The following DIAPH2 variants were observed in gnomAD, a reference collection of about 807,000 sequenced individuals.
DIAPH2 encodes the protein protein diaphanous homolog 2.
Under a neutral mutation model 92.7 loss-of-function variants are expected in DIAPH2, and 35 were observed. The ratio of observed to expected loss-of-function variants is 0.38; its 90% CI spans 0.29 to 0.50. The LOEUF (loss-of-function observed/expected upper bound fraction) is 0.50, where lower values mean the gene tolerates loss of function less well. Ranked by LOEUF, DIAPH2 falls within the 20% of genes least tolerant of loss-of-function variation. The probability of loss-of-function intolerance (pLI) is 0.94; values close to 1 mark genes in which losing one functional copy is unlikely to be tolerated. For synonymous variants in DIAPH2, 301 were observed against 280.4 expected (o/e 1.07, Z -0.73); for missense variants, 701 against 819.5 (o/e 0.86, Z 1.77).
intron 5 of DIAPH2, among the ~76,000 whole-genome samples, chrX:96,908,661 C>T (rs1243694614): frequency 9.1e-6 from 1 of 110,219 alleles, no homozygotes; most frequent in Non-Finnish European, 1.9e-5. Flanking sequence ...TGCAGTGGCG[C>T]GATTTCAGCT....
chrX:97,127,965 G>A (rs754907814), intron 21 of DIAPH2, among the ~76,000 whole-genome samples: 5 of 111,216 alleles, frequency 4.5e-5, no homozygotes, highest in South Asian at 3.9e-4. Context: ...CCAAGATCGC[G>A]CCACTACACT....
At chrX:97,053,712 C>G (rs1261541342) in intron 17 of DIAPH2, among the ~76,000 whole-genome samples, 1 of 111,354 alleles carries the variant, frequency 9.0e-6, no homozygotes, top group Non-Finnish European at 1.9e-5. Context: ...ACAATTCTTC[C>G]CTTCTCCATT....
intron 26 of DIAPH2, among the ~76,000 whole-genome samples, chrX:97,561,480 T>C (rs1171870957): frequency 8.9e-6 from 1 of 112,353 alleles, no homozygotes; most frequent in Non-Finnish European, 1.9e-5. Flanking sequence ...AAAATATCCA[T>C]TTTGACACCT....
chrX:97,009,165 C>T (rs1212046582), intron 17 of DIAPH2, among the ~76,000 whole-genome samples: 2 of 110,568 alleles, frequency 1.8e-5, no homozygotes, highest in African/African-American at 6.6e-5. Flanking sequence ...CACTTCCCTC[C>T]CCTTTTCACA....
chrX:97,138,413 C>T (rs992838062), intron 21 of DIAPH2, among the ~76,000 whole-genome samples: 1 of 111,112 alleles, frequency 9.0e-6, no homozygotes, highest in African/African-American at 3.3e-5. Flanking sequence ...AACACGTGTC[C>T]TATTAAAGGT....
intron 26 of DIAPH2, among the ~76,000 whole-genome samples, chrX:97,576,104 G>A (rs185477981): frequency 9.0e-6 from 1 of 111,261 alleles, no homozygotes; most frequent in Admixed American, 9.6e-5. Flanking sequence ...GACAGTGATT[G>A]ACTGTAAGGA....
chrX:97,587,590 A>G (rs1243002209), intron 26 of DIAPH2, among the ~76,000 whole-genome samples: 1 of 112,160 alleles, frequency 8.9e-6, no homozygotes, highest in Non-Finnish European at 1.9e-5. Context: ...GATCTTTTTA[A>G]GTCTTTGTTT....
At chrX:97,032,801 G>T (rs1338598450) in intron 17 of DIAPH2, among the ~76,000 whole-genome samples, 1 of 111,470 alleles carries the variant, frequency 9.0e-6, no homozygotes, top group African/African-American at 3.3e-5. Flanking sequence ...TGCACCCTTT[G>T]CCTAAAGGAT....
intron 25 of DIAPH2, among the ~76,000 whole-genome samples, chrX:97,387,278 G>A (rs2069612109): frequency 8.9e-6 from 1 of 112,038 alleles, no homozygotes; most frequent in Non-Finnish European, 1.9e-5. Flanking sequence ...AACTAATACA[G>A]TGACAGTGAG....
intron 24 of DIAPH2, among the ~76,000 whole-genome samples, chrX:97,364,089 T>C (rs989951677): frequency 6.2e-5 from 7 of 112,008 alleles, no homozygotes; most frequent in South Asian, 3.8e-4. Context: ...GCAACATGGC[T>C]AGCTGATAGA....
chrX:96,925,474 CCTT>C (rs2065574518), intron 9 of DIAPH2, among the ~76,000 whole-genome samples: 1 of 111,264 alleles, frequency 9.0e-6, no homozygotes, highest in Admixed American at 9.6e-5. Flanking sequence ...GACATGGTAT[CCTT>C]CTCTCTCCAC....
intron 19 of DIAPH2, among the ~76,000 whole-genome samples, chrX:97,095,633 A>G (rs189627984): frequency 9.0e-6 from 1 of 110,950 alleles, no homozygotes; most frequent in East Asian, 2.8e-4. Context: ...AAGACAAAAA[A>G]GAAAGGTTAT....
At position 97,419,926 on chromosome X, in the gene DIAPH2, T is replaced by C. The variant is rs141560019; in HGVS notation, c.3146-9724T>C. Among the ~76,000 whole-genome samples, 634 of 111,905 alleles carry C rather than the reference T, an allele frequency of 5.7e-3. 2 individuals carry two copies. The highest frequency in any genetic ancestry group is 0.02 in the African/African-American group (602 of 30,846). On this transcript the variant is annotated intron_variant, in intron 25 of 26. Coordinates refer to ENST00000324765, the MANE Select transcript of DIAPH2 (RefSeq NM_006729.5). ...ACAAGCCTTCCATGCTCTTAGTAAG[T>C]AAATGATTCTGATAAGACACACGGA...
At chrX:96,865,799 A>G (rs1417698190) in intron 4 of DIAPH2, among the ~76,000 whole-genome samples, 1 of 112,424 alleles carries the variant, frequency 8.9e-6, no homozygotes, top group Non-Finnish European at 1.9e-5. Context: ...AGTACAGTGA[A>G]TGGCACATAG....
chrX:97,437,018 A>G, intron 26 of DIAPH2, among the ~76,000 whole-genome samples: 2 of 110,759 alleles, frequency 1.8e-5, no homozygotes, highest in Middle Eastern at 4.7e-3. Flanking sequence ...TCCCCCGCCC[A>G]CCATCACAGA....
rs1040039989 is a variant in DIAPH2 at position 97,602,270 on chromosome X, C to A, written c.*2953C>A. 1.8e-5 allele frequency: 2 copies of A among 112,169 alleles called. No individual in the cohort carries two copies. The highest frequency in any genetic ancestry group is 3.8e-5 in the Non-Finnish European group (2 of 53,248). 9.2% of individuals were successfully genotyped at this position (112,169 alleles called of 1,213,427 possible). A position where few individuals can be genotyped will look rare whatever the true frequency, so the allele number is the denominator to read the frequency against. ...TACCAAAAGTCTCAACCCATTATAT[C>A]AATCCTAAGTCCAAAATTTCATTCA... is the stretch of plus-strand genomic sequence containing the variant. On this transcript the variant is annotated 3_prime_UTR_variant, in exon 27 of 27. Transcript: ENST00000324765.
chrX:97,069,606 G>A (rs1296358555), intron 17 of DIAPH2, among the ~76,000 whole-genome samples: 1 of 111,560 alleles, frequency 9.0e-6, no homozygotes, highest in Admixed American at 9.6e-5. Context: ...CTCATGCTAA[G>A]CTAATTCATA....
At chrX:96,921,121 G>A (rs1484036867) in intron 9 of DIAPH2, among the ~76,000 whole-genome samples, 2 of 111,173 alleles carry the variant, frequency 1.8e-5, no homozygotes, top group Non-Finnish European at 3.8e-5. Context: ...TTACAGTCTC[G>A]GGAAGTAATT....
intron 24 of DIAPH2, among the ~76,000 whole-genome samples, chrX:97,373,303 G>C (rs2069465820): frequency 9.1e-6 from 1 of 110,127 alleles, no homozygotes; most frequent in Admixed American, 9.8e-5. Context: ...AGGCTGCTAA[G>C]ATTTTCTACA....
Sources: allele counts gnomAD v4.1 joint callset (sites outside exome capture counted in the v4.1 genomes callset), GRCh38; gene constraint gnomAD v4.1.1; transcripts MANE v1.5; gene names NCBI Gene and HGNC (gene_info 2026-07-23, HGNC 2026-07-21).